Variants in PUS7 observed in about 807,000 individuals in gnomAD.
PUS7 encodes pseudouridylate synthase 7 homolog.
PUS7 carries 48 observed loss-of-function variants against 79.8 expected under a neutral mutation model. That is an observed-to-expected ratio of 0.60 (90% CI 0.48 to 0.76). The LOEUF (loss-of-function observed/expected upper bound fraction) is 0.76. PUS7 is among the 30% of genes least tolerant of loss of function. The pLI, the probability that PUS7 is intolerant of heterozygous loss-of-function variation, is 0.00. For missense variants in PUS7, 729 were observed against 797.6 expected, an observed-to-expected ratio of 0.91 and a Z score of 1.04; for synonymous variants, 286 against 272.2, an observed-to-expected ratio of 1.05 and a Z score of -0.50.
intron 7 of PUS7, 49 bp from the exon 8 acceptor site, chr7:105,482,489 G>T (rs1824365771): frequency 1.3e-6 from 2 of 1,523,668 alleles, no homozygotes; most frequent in Admixed American, 1.9e-5. Context: ...GTAGAAAGAG[G>T]ATCATGAGAT....
chr7:105,504,216 C>T (rs572825101), intron 4 of PUS7, among the ~76,000 whole-genome samples: 2 of 138,044 alleles, frequency 1.4e-5, no homozygotes, highest in African/African-American at 5.2e-5. Context: ...ATTACAGGTG[C>T]CCGCCACCAC....
At chr7:105,512,098 C>T (rs4083246) in intron 1 of PUS7, among the ~76,000 whole-genome samples, 19,924 of 129,612 alleles carry the variant, frequency 0.15, 1,758 homozygotes, top group South Asian at 0.29. Flanking sequence ...TGAGTCGGGA[C>T]TGCACCACTG....
chr7:105,459,944 A>G (rs910446488), intron 14 of PUS7, among the ~76,000 whole-genome samples: 1 of 151,476 alleles, frequency 6.6e-6, no homozygotes, highest in Non-Finnish European at 1.5e-5. Context: ...ACAACTGACA[A>G]ATCTTTTTTT....
chr7:105,507,568 G>A (rs777011349), intron 2 of PUS7, among the ~76,000 whole-genome samples: 90 of 152,186 alleles, frequency 5.9e-4, no homozygotes, highest in Middle Eastern at 6.8e-3. Flanking sequence ...TTGAGACAGA[G>A]TCTTGCTCTG....
At position 105,508,366 on chromosome 7, in the gene PUS7, A is replaced by T; in HGVS notation, c.147T>A (p.Asn49Lys). Residue 49 changes from asparagine (N) to lysine (K), a missense_variant, in exon 2 of 16, where the codon AAT becomes AAA. By Grantham distance (94) the Asn-to-Lys change is moderately conservative. Transcript: ENST00000469408. ...CGTCTTCACTGATGGACAGAAAGTC[A>T]TTCTGTAGCCCATCTTGACCTTTGG... Reference protein sequence around the residue: ...SLTKGQDGLQNDFLSISEDVP... With the variant: ...SLTKGQDGLQKDFLSISEDVP... 3 of 1,614,154 alleles carry T rather than the reference A, an allele frequency of 1.9e-6. No individual in the cohort carries two copies. Among genetic ancestry groups the T allele is most frequent in the Non-Finnish European group, 2.5e-6 (3 of 1,180,032 alleles).
At chr7:105,474,721 C>T (rs1824017721) in intron 9 of PUS7, among the ~76,000 whole-genome samples, 6 of 152,132 alleles carry the variant, frequency 3.9e-5, no homozygotes, top group Admixed American at 3.9e-4. Context: ...GCGGAGGTTG[C>T]AGTGAGCCGA....
Position 105,482,422 on chromosome 7 carries a change from A to G in PUS7, c.939T>C (p.Leu313=), listed in dbSNP as rs1415954440. 1.9e-6 allele frequency: 3 copies of G among 1,609,988 alleles called. No homozygotes were observed. The highest frequency in any genetic ancestry group is 2.5e-6 in the Non-Finnish European group (3 of 1,178,140). ...TCATCAAGCACTTATTCAGGTGGGCAAGTCTTTGTGCAGTTATTCTTTAAA... is the reference window on the plus strand; with the variant it reads ...TCATCAAGCACTTATTCAGGTGGGCGAGTCTTTGTGCAGTTATTCTTTAAA... ...IAVLKITAQR[L]AHLNKCLMNF... is the part of the protein sequence containing the mutation. Residue 313 remains leucine (L), a synonymous_variant, in exon 8 of 16, where the codon CTT becomes CTC. Transcript: ENST00000469408.
At chr7:105,468,605 C>A (rs1823755579) in intron 11 of PUS7, 142 bp from the exon 12 acceptor site, 3 of 654,828 alleles carry the variant, frequency 4.6e-6, no homozygotes, top group South Asian at 4.5e-5. Context: ...GTAGCCTCCA[C>A]CTCCCGGGTT....
At chr7:105,516,610 C>T (rs1027118012) in intron 1 of PUS7, among the ~76,000 whole-genome samples, 3 of 152,008 alleles carry the variant, frequency 2.0e-5, no homozygotes, top group Admixed American at 6.6e-5. Flanking sequence ...CCCGCTACCA[C>T]GCCCAGCTAA....
chr7:105,457,867 T>C lies in PUS7; in HGVS notation c.1909A>G (p.Met637Val). 6.2e-7 allele frequency: 1 copy of C among 1,614,046 alleles called. No homozygotes were observed. Among genetic ancestry groups the C allele is most frequent in the South Asian group, 1.1e-5 (1 of 91,080 alleles). ...ATTTTTAGCACTTCTCGAATGGCCA[T>C]GGTGGCGTAAGTAGAAGGGGGTAGA... is the stretch of plus-strand genomic sequence containing the variant. ...FSLPPSTYATMAIREVLKMDT... is the reference protein window; with the variant it reads ...FSLPPSTYATVAIREVLKMDT... Residue 637 changes from methionine (M) to valine (V), a missense_variant, in exon 16 of 16, where the codon ATG (methionine) becomes GTG (valine). Met to Val is a conservative substitution (Grantham distance 21). Coordinates refer to ENST00000469408, the MANE Select transcript of PUS7 (RefSeq NM_019042.5).
Position 105,457,878 on chromosome 7 carries a change from G to C in PUS7, c.1898C>G (p.Thr633Ser), listed in dbSNP as rs1456194579. 6.2e-7 allele frequency: 1 copy of C among 1,614,020 alleles called. No individual in the cohort carries two copies. Among genetic ancestry groups the C allele is most frequent in the African/African-American group, 1.3e-5 (1 of 74,944 alleles). The change falls in exon 16 of 16, where the codon ACT becomes AGT. Residue 633 changes from threonine (T) to serine (S), a missense_variant. Coordinates refer to ENST00000469408, the MANE Select transcript of PUS7 (RefSeq NM_019042.5). ...TTCTCGAATGGCCATGGTGGCGTAA[G>C]TAGAAGGGGGTAGAGAAAAATCCAT... ...LKMDFSLPPSTYATMAIREVL... is the reference protein window; with the variant it reads ...LKMDFSLPPSSYATMAIREVL...
At chr7:105,475,786 C>T (rs1282370363) in intron 9 of PUS7, among the ~76,000 whole-genome samples, 1 of 152,028 alleles carries the variant, frequency 6.6e-6, no homozygotes, top group African/African-American at 2.4e-5. Flanking sequence ...TCACTGTCTA[C>T]CTCCACAACT....
In PUS7 at chr7:105,465,301, C is replaced by T; in HGVS notation, c.1627+12G>A. 1.3e-6 allele frequency: 2 copies of T among 1,568,306 alleles called. No homozygotes were observed. The highest frequency in any genetic ancestry group is 1.8e-6 in the Non-Finnish European group (2 of 1,140,120). On this transcript the variant is annotated intron_variant, in intron 13 of 15. Transcript: ENST00000469408. The stretch of plus-strand genomic sequence containing the variant: ...ACTTGTTTTAACTATTTTCCCCATA[C>T]AGGGAACTTACTTTTATGCTTTGGG...
intron 10 of PUS7, among the ~76,000 whole-genome samples, 162 bp from the exon 11 acceptor site, chr7:105,471,010 T>C (rs1341196434): frequency 1.3e-5 from 2 of 152,228 alleles, no homozygotes; most frequent in African/African-American, 2.4e-5. Flanking sequence ...ATGGGAAATG[T>C]AGAAAGTTTA....
intron 2 of PUS7, among the ~76,000 whole-genome samples, chr7:105,507,584 C>T (rs1825521943): frequency 6.6e-6 from 1 of 152,090 alleles, no homozygotes; most frequent in Non-Finnish European, 1.5e-5. Context: ...CTCTGTCACC[C>T]AGGCTGGAAT....
At chr7:105,491,444 A>C (rs1420541525) in intron 7 of PUS7, 96 bp downstream of exon 7, 1 of 701,726 alleles carries the variant, frequency 1.4e-6, no homozygotes, top group Non-Finnish European at 2.3e-6. Context: ...GCACCATCTA[A>C]AGCTGAGAGA....
intron 5 of PUS7, among the ~76,000 whole-genome samples, chr7:105,497,232 T>C (rs1051559095): frequency 6.6e-6 from 1 of 152,206 alleles, no homozygotes; most frequent in African/African-American, 2.4e-5. Context: ...GGCATGTTAG[T>C]TCACGCTCAA....
intron 9 of PUS7, among the ~76,000 whole-genome samples, chr7:105,479,195 G>A (rs73415587): frequency 0.02 from 3,016 of 152,232 alleles, 104 homozygotes; most frequent in African/African-American, 0.068. Flanking sequence ...TTCTACAGAT[G>A]AGTAATTTAA....
intron 5 of PUS7, chr7:105,496,943 A>G (rs1825061175): frequency 8.3e-7 from 1 of 1,205,170 alleles, no homozygotes; most frequent in Admixed American, 2.4e-5. Context: ...TGAAATGCCA[A>G]ATGCTCTTAC....
Sources: allele counts gnomAD v4.1 joint callset (sites outside exome capture counted in the v4.1 genomes callset), GRCh38; gene constraint gnomAD v4.1.1; transcripts MANE v1.5; gene names NCBI Gene and HGNC (gene_info 2026-07-23, HGNC 2026-07-21).